Variants in LRFN5 observed in about 807,000 individuals in gnomAD.
LRFN5 encodes leucine-rich repeat and fibronectin type-III domain-containing protein 5.
LRFN5 carries 24 observed loss-of-function variants against 45.6 expected under a neutral mutation model. The ratio of observed to expected loss-of-function variants is 0.53; its 90% CI spans 0.38 to 0.74. The LOEUF is 0.74. Among genes scored for constraint, LRFN5 ranks in the 30% least tolerant of loss-of-function variants. LRFN5 has a pLI of 0.00. For synonymous variants in LRFN5, 340 were observed against 313.8 expected (o/e 1.08, Z -0.88); for missense variants, 776 against 861.5 (o/e 0.90, Z 1.24).
intron 2 of LRFN5, among the ~76,000 whole-genome samples, chr14:41,800,029 CTAAG>C (rs774656897): frequency 8.0e-4 from 122 of 151,952 alleles, no homozygotes; most frequent in Non-Finnish European, 1.2e-3. Flanking sequence ...AGATAATGGA[CTAAG>C]TATTTTTACT....
chr14:41,856,672 A>ATTTTTT (rs1889465921), intron 2 of LRFN5, among the ~76,000 whole-genome samples: 1 of 5,984 alleles, frequency 1.7e-4, no homozygotes, highest in African/African-American at 2.8e-4. Context: ...TATTATTATT[A>ATTTTTT]TTATTTTTTT....
intron 2 of LRFN5, among the ~76,000 whole-genome samples, chr14:41,863,488 G>A (rs1432219925): frequency 6.6e-6 from 1 of 152,124 alleles, no homozygotes; most frequent in African/African-American, 2.4e-5. Context: ...ATTTAATTCA[G>A]AATGTTTTCT....
intron 2 of LRFN5, among the ~76,000 whole-genome samples, chr14:41,801,696 G>A (rs1887340848): frequency 6.6e-6 from 1 of 152,204 alleles, no homozygotes; most frequent in Non-Finnish European, 1.5e-5. Flanking sequence ...CACAGAGTGT[G>A]TTGGAGATGG....
chr14:41,890,178 G>A (rs1890727157), intron 3 of LRFN5, among the ~76,000 whole-genome samples: 1 of 152,072 alleles, frequency 6.6e-6, no homozygotes, highest in African/African-American at 2.4e-5. Context: ...ACTGGAATTA[G>A]GTGATATTAG....
At chr14:41,727,932 C>G (rs1366213480) in intron 1 of LRFN5, among the ~76,000 whole-genome samples, 2 of 152,132 alleles carry the variant, frequency 1.3e-5, no homozygotes, top group Non-Finnish European at 2.9e-5. Context: ...GCTAAATAAT[C>G]TGAAATGCAA....
At chr14:41,766,481 A>C (rs1885887842) in intron 1 of LRFN5, among the ~76,000 whole-genome samples, 1 of 152,212 alleles carries the variant, frequency 6.6e-6, no homozygotes, top group South Asian at 2.1e-4. Flanking sequence ...TAACTGTCAT[A>C]TGACTCGTAA....
At chr14:41,870,495 G>A (rs1363232027) in intron 2 of LRFN5, among the ~76,000 whole-genome samples, 1 of 152,140 alleles carries the variant, frequency 6.6e-6, no homozygotes, top group Non-Finnish European at 1.5e-5. Context: ...TTACATGGCA[G>A]CAGGCAAGAA....
intron 2 of LRFN5, among the ~76,000 whole-genome samples, chr14:41,858,217 C>T (rs75270131): frequency 1.3e-4 from 20 of 152,178 alleles, no homozygotes; most frequent in Middle Eastern, 6.8e-3. Context: ...AGCAAGGCAG[C>T]GTCCATGCTC....
intron 4 of LRFN5, chr14:41,894,390 T>C: frequency 1.2e-6 from 1 of 868,152 alleles, no homozygotes; most frequent in Non-Finnish European, 1.4e-6. Flanking sequence ...ACTAACACCA[T>C]TGAAAATAAT....
chr14:41,644,470 G>C (rs1020469223), intron 1 of LRFN5, among the ~76,000 whole-genome samples: 2 of 152,194 alleles, frequency 1.3e-5, no homozygotes, highest in African/African-American at 2.4e-5. Flanking sequence ...TGTAATATCT[G>C]AAAATTATAT....
intron 1 of LRFN5, among the ~76,000 whole-genome samples, chr14:41,714,735 T>C (rs1314522804): frequency 3.9e-5 from 6 of 151,998 alleles, no homozygotes; most frequent in African/African-American, 1.4e-4. Flanking sequence ...CAAAACCCCA[T>C]CTCTACAAAT....
chr14:41,813,058 G>A lies in LRFN5; in HGVS notation c.-21+46029G>A, dbSNP rs862543. Reference sequence around the variant, plus strand: ...GGAAAGTTGTTTCCCACCCTTTGAAGTGGCTGTATTCCTAATACTGATTAT... The same window carrying A: ...GGAAAGTTGTTTCCCACCCTTTGAAATGGCTGTATTCCTAATACTGATTAT... On this transcript the variant is annotated intron_variant, in intron 2 of 5. Coordinates refer to ENST00000298119, the MANE Select transcript of LRFN5 (RefSeq NM_152447.5). 6.0e-3 allele frequency among the ~76,000 whole-genome samples: 914 copies of A among 152,258 alleles called. 6 individuals carry two copies. Among genetic ancestry groups the A allele is most frequent in the African/African-American group, 0.018 (751 of 41,558 alleles).
chr14:41,744,333 G>C (rs190411994), intron 1 of LRFN5, among the ~76,000 whole-genome samples: 66 of 152,104 alleles, frequency 4.3e-4, no homozygotes, highest in African/African-American at 1.4e-3. Flanking sequence ...CTCCCAGCCC[G>C]GGTGACCGAA....
rs752373842 is a variant in LRFN5 at position 41,891,608 on chromosome 14, A to G, written c.1744A>G (p.Ser582Gly). 2 of 1,614,240 alleles carry G rather than the reference A, an allele frequency of 1.2e-6. No homozygotes were observed. Among genetic ancestry groups the G allele is most frequent in the Admixed American group, 1.7e-5 (1 of 60,024 alleles). Residue 582 changes from serine to glycine, a missense_variant, in exon 4 of 6, where the codon AGT becomes GGT. Ser to Gly is a moderately conservative substitution (Grantham distance 56, BLOSUM62 0). Transcript: ENST00000298119. ...TAACGGGGCTCAAATACAAGGCTGT[A>G]GTGTAACGCTGCCCCAGTCCGTGTC... ...QTNGAQIQGC[S>G]VTLPQSVSKQ...
intron 4 of LRFN5, chr14:41,894,667 T>C: frequency 1.0e-6 from 1 of 985,202 alleles, no homozygotes; most frequent in East Asian, 1.1e-4. Context: ...ACAGAAAAGG[T>C]GGGAATGATA....
chr14:41,859,410 G>A (rs1889584930), intron 2 of LRFN5, among the ~76,000 whole-genome samples: 1 of 152,200 alleles, frequency 6.6e-6, no homozygotes, highest in Non-Finnish European at 1.5e-5. Flanking sequence ...GCACCTGTTT[G>A]AGAGGAAGTA....
At chr14:41,719,253 T>C (rs1401541569) in intron 1 of LRFN5, among the ~76,000 whole-genome samples, 1 of 152,196 alleles carries the variant, frequency 6.6e-6, no homozygotes, top group Non-Finnish European at 1.5e-5. Flanking sequence ...TTATGAAATA[T>C]GATGTCTATT....
chr14:41,636,736 A>C (rs1277823008), intron 1 of LRFN5, among the ~76,000 whole-genome samples: 1 of 152,186 alleles, frequency 6.6e-6, no homozygotes, highest in African/African-American at 2.4e-5. Context: ...ACTCATATGC[A>C]GCAAGCCACA....
intron 4 of LRFN5, chr14:41,893,599 G>T (rs772272221): frequency 7.1e-6 from 7 of 985,152 alleles, no homozygotes; most frequent in Non-Finnish European, 7.2e-6. Flanking sequence ...GAGGAATGTG[G>T]AATCGTTAAT....
Sources: gnomAD v4.1 joint callset for allele counts (sites outside exome capture counted in the v4.1 genomes callset) on GRCh38, gnomAD v4.1.1 for gene constraint, MANE v1.5 for transcripts, NCBI Gene and HGNC (gene_info 2026-07-23, HGNC 2026-07-21) for gene names.